The following AP3D1 variants were observed in gnomAD, a reference collection of about 807,000 sequenced individuals.
AP3D1 encodes AP-3 complex subunit delta-1.
A neutral mutation model predicts 147.6 loss-of-function variants in AP3D1; 51 were observed. The observed-to-expected ratio is 0.35, with a 90% CI of 0.28 to 0.44. The LOEUF is 0.44. Among genes scored for constraint, AP3D1 ranks in the 20% least tolerant of loss-of-function variants. AP3D1 has a pLI of 1.00. For missense variants in AP3D1, 1,421 were observed against 1,624.2 expected (o/e 0.87, Z 2.15); for synonymous variants, 760 against 663.0 (o/e 1.15, Z -2.25).
rs199856286 is a variant in AP3D1, at chr19:2,110,115, G to A, written c.3264+21C>T. On this transcript the variant is annotated intron_variant, in intron 28 of 31. Transcript: ENST00000643116. ...CTGCCTGCAGAGTCGGCTCTTCAAC[G>A]CCAAGTGGAGCCCTGCATACCTTGG... 1.8e-4 allele frequency: 294 copies of A among 1,609,440 alleles called. 3 individuals carry two copies. The African/African-American group carries it at 3.6e-3, about 20-fold the overall frequency.
chr19:2,129,252 G>A (rs2018864968), intron 7 of AP3D1, 66 bp downstream of exon 7: 1 of 1,596,570 alleles, frequency 6.3e-7, no homozygotes, highest in African/African-American at 1.4e-5. Flanking sequence ...CGCAGGGAAT[G>A]CCCCACACAG....
intron 1 of AP3D1, among the ~76,000 whole-genome samples, chr19:2,143,519 C>T (rs1357176747): frequency 3.3e-5 from 5 of 151,520 alleles, no homozygotes; most frequent in Non-Finnish European, 5.9e-5. Flanking sequence ...GGATTACAGG[C>T]GTGAGCCACC....
chr19:2,115,297 G>C lies in AP3D1; in HGVS notation c.2271C>G (p.His757Gln). The C allele has an allele frequency of 2.5e-6, 4 of 1,613,086 alleles. No individual in the cohort carries two copies. Among genetic ancestry groups the C allele is most frequent in the Non-Finnish European group, 3.4e-6 (4 of 1,179,988 alleles). Residue 757 changes from histidine (H) to glutamine (Q), a missense_variant, in exon 20 of 32, where the codon CAC (histidine) becomes CAG (glutamine). Transcript: ENST00000643116. ...CGTCGCTCTCCGTGGGCAGCGAGCTGTGGCGGCGCTTGCCCTTCTTCTCCT... is the reference window on the plus strand; with the variant it reads ...CGTCGCTCTCCGTGGGCAGCGAGCTCTGGCGGCGCTTGCCCTTCTTCTCCT... The part of the protein sequence containing the change: ...KEKEKKGKRR[H>Q]SSLPTESDED...
chr19:2,106,443 G>A (rs1300296546), intron 31 of AP3D1, among the ~76,000 whole-genome samples: 1 of 152,186 alleles, frequency 6.6e-6, no homozygotes, highest in Non-Finnish European at 1.5e-5. Context: ...CAGCTACTCA[G>A]GAGGCTGAGG....
In AP3D1 at chr19:2,160,461, G is replaced by T. The variant is rs150261601; in HGVS notation, c.-103+3895C>A. ...GGAGAATCGAATCGCTTGAAACCAG[G>T]AGGCGGGGGTTGCAGTAAGCCAAGA... On this transcript the variant is annotated intron_variant, in intron 1 of 14. Coordinates refer to the AP3D1 transcript ENST00000643010. Among the ~76,000 whole-genome samples the T allele has an allele frequency of 1.5e-3, 225 of 152,216 alleles. 1 individual carries two copies. Among genetic ancestry groups the T allele is most frequent in the African/African-American group, 5.1e-3 (213 of 41,546 alleles).
At chr19:2,152,643 C>T (rs187632412), upstream of AP3D1, among the ~76,000 whole-genome samples, 10 of 150,952 alleles carry the variant, frequency 6.6e-5, no homozygotes, top group South Asian at 2.1e-4. Context: ...TTTGGGAGGC[C>T]GAGGCAGGTG....
Position 2,131,203 on chromosome 19 carries a change from G to A in AP3D1, c.463-666C>T, listed in dbSNP as rs149252607. 1.2e-4 allele frequency among the ~76,000 whole-genome samples: 19 copies of A among 152,404 alleles called. No individual in the cohort carries two copies. The East Asian group carries it at 3.3e-3, about 26-fold the overall frequency. On this transcript the variant is annotated intron_variant, in intron 5 of 31. Coordinates refer to ENST00000643116, the MANE Select transcript of AP3D1 (RefSeq NM_001261826.3). ...CCTGTGCCGCAGCCTGCTGATCCCT[G>A]ATCTAGAAGCTTAGCAGGCTGTGCT...
chr19:2,112,842 G>A lies in AP3D1; in HGVS notation c.2787+18C>T, dbSNP rs149431838. 8,597 of 1,597,038 alleles carry A rather than the reference G, an allele frequency of 5.4e-3. 38 individuals carry two copies. Among genetic ancestry groups the A allele is most frequent in the Non-Finnish European group, 6.1e-3 (7,084 of 1,169,918 alleles). ...CTCATGCAGCCCTCCACAGCCCCTG[G>A]GGGAGTGACAGCCTCACCTTGTCCT... On this transcript the variant is annotated intron_variant, in intron 24 of 31. Coordinates refer to ENST00000643116, the MANE Select transcript of AP3D1 (RefSeq NM_001261826.3).
chr19:2,143,640 T>A (rs1448834152), intron 1 of AP3D1, among the ~76,000 whole-genome samples: 2 of 151,988 alleles, frequency 1.3e-5, no homozygotes, highest in African/African-American at 2.4e-5. Flanking sequence ...TGGTGGCACA[T>A]CGTGTAGTCA....
intron 31 of AP3D1, among the ~76,000 whole-genome samples, chr19:2,108,351 C>T (rs541179954): frequency 8.9e-4 from 135 of 152,324 alleles, no homozygotes; most frequent in African/African-American, 3.2e-3. Context: ...ATTCTAGAAG[C>T]GCAGCAGTGA....
intron 1 of AP3D1, among the ~76,000 whole-genome samples, chr19:2,157,998 A>G (rs1031546992): frequency 6.6e-6 from 1 of 152,164 alleles, no homozygotes; most frequent in Non-Finnish European, 1.5e-5. Flanking sequence ...TTCATTTAGC[A>G]ACTATGTTGT....
At chr19:2,159,976 A>G (rs1185876412) in intron 1 of AP3D1, among the ~76,000 whole-genome samples, 1 of 152,116 alleles carries the variant, frequency 6.6e-6, no homozygotes, top group Non-Finnish European at 1.5e-5. Context: ...TCAGCCTCCC[A>G]AAGTGCTGGG....
At chr19:2,118,416 C>T (rs1468786969) in intron 15 of AP3D1, among the ~76,000 whole-genome samples, 185 bp downstream of exon 15, 2 of 152,224 alleles carry the variant, frequency 1.3e-5, no homozygotes, top group Admixed American at 6.5e-5. Flanking sequence ...GACGGATCCC[C>T]CGTCCTGCTG....
chr19:2,147,797 G>A (rs1016286229), intron 1 of AP3D1, among the ~76,000 whole-genome samples: 2 of 148,648 alleles, frequency 1.3e-5, no homozygotes, highest in Non-Finnish European at 3.0e-5. Context: ...GGGAGGTTGA[G>A]TCACTTGAAC....
rs75277331 is a variant in AP3D1, at chr19:2,115,669, G to A, written c.2074-56C>T. 0.054 allele frequency: 84,080 copies of A among 1,556,584 alleles called. 3,238 individuals are homozygous for A. Among genetic ancestry groups the A allele is most frequent in the East Asian group, 0.22 (9,877 of 43,994 alleles). On this transcript the variant is annotated intron_variant, in intron 18 of 31. Coordinates refer to ENST00000643116, the MANE Select transcript of AP3D1 (RefSeq NM_001261826.3). ...GCACCGAGGGGTGACACACGTGCAA[G>A]ACAAGCCTCGGGGATGCAGGGAGCG...
chr19:2,114,128 C>T lies in AP3D1; in HGVS notation c.2598G>A (p.Lys866=), dbSNP rs746222093. The T allele has an allele frequency of 2.0e-6, 3 of 1,513,838 alleles. No individual in the cohort carries two copies. The highest frequency in any genetic ancestry group is 1.2e-5 in the South Asian group (1 of 83,838). The allele number at this position is 1,513,838 out of a possible 1,614,324, so 93.8% of individuals were successfully genotyped here. A position where few individuals can be genotyped will look rare whatever the true frequency, so the allele number is the denominator to read the frequency against. The change falls in exon 22 of 32, where the codon AAG becomes AAA. Residue 866 remains lysine, a synonymous_variant. Transcript: ENST00000643116. ...CCGCCCTGGGCACTAGCCTTACCTT[C>T]TTCTCCTTCTCCTTCTTCTTCTCCT... ...RDKEKKKEKE[K]KAEDLDFWLS...
At chr19:2,161,427 GC>G (rs1398393171) in intron 1 of AP3D1, among the ~76,000 whole-genome samples, 1 of 151,992 alleles carries the variant, frequency 6.6e-6, no homozygotes, top group Non-Finnish European at 1.5e-5. Flanking sequence ...CTCCCAAAGT[GC>G]TGGGATTACA....
At chr19:2,118,322 G>A (rs766054904) in intron 15 of AP3D1, among the ~76,000 whole-genome samples, 4 of 152,090 alleles carry the variant, frequency 2.6e-5, no homozygotes, top group South Asian at 2.1e-4. Flanking sequence ...CTGCTGTCTC[G>A]CCGCATGTGA....
chr19:2,143,978 C>T (rs1444030343), intron 1 of AP3D1, among the ~76,000 whole-genome samples: 1 of 150,968 alleles, frequency 6.6e-6, no homozygotes, highest in East Asian at 2.0e-4. Flanking sequence ...CCCAGCTACT[C>T]GGGAGGCTGA....
Sources: gnomAD v4.1 joint callset for allele counts (sites outside exome capture counted in the v4.1 genomes callset) on GRCh38, gnomAD v4.1.1 for gene constraint, MANE v1.5 for transcripts, NCBI Gene and HGNC (gene_info 2026-07-23, HGNC 2026-07-21) for gene names.